Variants in PRELID2 observed in about 807,000 individuals in gnomAD.
The protein encoded by PRELID2 is PRELI domain-containing protein 2.
A neutral mutation model predicts 28.4 loss-of-function variants in PRELID2; 25 were observed. The ratio of observed to expected loss-of-function variants is 0.88; its 90% CI spans 0.64 to 1.23. PRELID2 has a LOEUF of 1.23. Among genes scored for constraint, PRELID2 ranks in the 50% most tolerant of loss-of-function variants. The pLI is 0.00. For missense variants in PRELID2, 201 were observed against 214.4 expected (o/e 0.94, Z 0.39); for synonymous variants, 76 against 71.6 (o/e 1.06, Z -0.31).
At chr5:145,548,314 C>G (rs1272736399) in intron 1 of PRELID2, among the ~76,000 whole-genome samples, 4 of 152,088 alleles carry the variant, frequency 2.6e-5, no homozygotes, top group Non-Finnish European at 5.9e-5. Context: ...TAATTAGTAA[C>G]TAAAGTCTAG....
At chr5:145,379,253 T>C in the PRELID2 span, among the ~76,000 whole-genome samples, 2 of 152,166 alleles carry the variant, frequency 1.3e-5, no homozygotes, top group African/African-American at 2.4e-5. Context: ...CAATGGGTGG[T>C]GTCAGCCAAG....
At chr5:145,314,636 T>C in the PRELID2 span, among the ~76,000 whole-genome samples, 5 of 152,038 alleles carry the variant, frequency 3.3e-5, no homozygotes, top group Admixed American at 1.3e-4. Flanking sequence ...TCCTTACACA[T>C]GCCATGTATG....
At chr5:145,394,323 A>T in the PRELID2 span, among the ~76,000 whole-genome samples, 322 of 152,010 alleles carry the variant, frequency 2.1e-3, 3 homozygotes, top group African/African-American at 7.4e-3. Flanking sequence ...TCAGCAAAAT[A>T]TCACAAGGAC....
chr5:145,383,574 G>GA, the PRELID2 span, among the ~76,000 whole-genome samples: 3 of 140,588 alleles, frequency 2.1e-5, no homozygotes, highest in Admixed American at 2.2e-4. Context: ...CTTCAATAGG[G>GA]AAAAAATCTT....
At chr5:145,350,999 G>A in the PRELID2 span, among the ~76,000 whole-genome samples, 1 of 152,058 alleles carries the variant, frequency 6.6e-6, no homozygotes, top group African/African-American at 2.4e-5. Flanking sequence ...CAGTCAATGA[G>A]ATAAATATTT....
chr5:145,765,078 T>C, intron 5 of PRELID2, 78 bp from the exon 6 acceptor site: 1 of 990,602 alleles, frequency 1.0e-6, no homozygotes, highest in East Asian at 2.5e-5. Context: ...ACCTTTTCCC[T>C]TCAAAGAATC....
chr5:145,611,501 C>A (rs1322420055), intron 1 of PRELID2, among the ~76,000 whole-genome samples: 1 of 152,094 alleles, frequency 6.6e-6, no homozygotes, highest in African/African-American at 2.4e-5. Flanking sequence ...CATAACCCAG[C>A]AACTAATAGA....
At chr5:145,816,765 T>C (rs1312377965) in intron 4 of PRELID2, among the ~76,000 whole-genome samples, 1 of 152,194 alleles carries the variant, frequency 6.6e-6, no homozygotes, top group Non-Finnish European at 1.5e-5. Flanking sequence ...ATTGTGGCAG[T>C]GGTGGCACAA....
At chr5:145,349,077 A>G in the PRELID2 span, among the ~76,000 whole-genome samples, 1 of 152,018 alleles carries the variant, frequency 6.6e-6, no homozygotes, top group African/African-American at 2.4e-5. Flanking sequence ...TTTTTGACCT[A>G]TGTCTTTGTG....
At chr5:145,622,706 A>C (rs1339148127) in intron 1 of PRELID2, among the ~76,000 whole-genome samples, 1 of 152,124 alleles carries the variant, frequency 6.6e-6, no homozygotes, top group Admixed American at 6.6e-5. Context: ...AGAAAGTTTC[A>C]AAAGTAACTA....
At chr5:145,591,490 A>G (rs540853642) in intron 1 of PRELID2, among the ~76,000 whole-genome samples, 1 of 152,188 alleles carries the variant, frequency 6.6e-6, no homozygotes, top group Non-Finnish European at 1.5e-5. Context: ...CTCTGGATGA[A>G]GTGGACTATG....
intron 5 of PRELID2, chr5:145,795,273 CTGAG>C: frequency 6.6e-6 from 1 of 152,198 alleles, no homozygotes; most frequent in South Asian, 2.1e-4. Context: ...GCAATAATGT[CTGAG>C]TGAGTAAAGG....
At chr5:145,449,722 T>C in the PRELID2 span, among the ~76,000 whole-genome samples, 28 of 152,226 alleles carry the variant, frequency 1.8e-4, no homozygotes, top group South Asian at 2.7e-3. Context: ...CTTAAGTCTA[T>C]TCCTGCTCCA....
At chr5:145,589,639 T>C (rs1359855435) in intron 1 of PRELID2, among the ~76,000 whole-genome samples, 2 of 152,168 alleles carry the variant, frequency 1.3e-5, no homozygotes, top group Admixed American at 1.3e-4. Context: ...TCATTAATTG[T>C]AGCCTCAGTG....
the PRELID2 span, among the ~76,000 whole-genome samples, chr5:145,313,952 C>T: frequency 6.6e-6 from 1 of 152,184 alleles, no homozygotes; most frequent in East Asian, 1.9e-4. Flanking sequence ...TATCTAGACT[C>T]TTGTTCTGAT....
chr5:145,348,879 A>G, the PRELID2 span, among the ~76,000 whole-genome samples: 4 of 152,162 alleles, frequency 2.6e-5, no homozygotes, highest in African/African-American at 4.8e-5. Context: ...CTGCATTTAT[A>G]AAAGATAAAA....
chr5:145,292,666 T>TA, the PRELID2 span, among the ~76,000 whole-genome samples: 1 of 93,580 alleles, frequency 1.1e-5, no homozygotes, highest in African/African-American at 2.9e-5. Context: ...CTTAAGAACA[T>TA]AAAAAACAGT....
chr5:145,703,075 AT>A (rs1755451487), intron 1 of PRELID2, among the ~76,000 whole-genome samples: 1 of 152,212 alleles, frequency 6.6e-6, no homozygotes, highest in African/African-American at 2.4e-5. Flanking sequence ...TAGATTCACC[AT>A]TTACTGGTCT....
the PRELID2 span, among the ~76,000 whole-genome samples, chr5:145,278,133 G>A: frequency 6.6e-6 from 1 of 152,020 alleles, no homozygotes; most frequent in Non-Finnish European, 1.5e-5. Context: ...AACTCATCTT[G>A]GTTTTTGAAT....
Sources: gnomAD v4.1 joint callset for allele counts (sites outside exome capture counted in the v4.1 genomes callset) on GRCh38, gnomAD v4.1.1 for gene constraint, MANE v1.5 for transcripts, NCBI Gene and HGNC (gene_info 2026-07-23, HGNC 2026-07-21) for gene names.